EFTUD2: variants seen among roughly 807,000 people sequenced by gnomAD.
EFTUD2 encodes elongation factor Tu GTP binding domain containing 2.
EFTUD2 carries 9 observed loss-of-function variants against 114.3 expected under a neutral mutation model. The observed-to-expected ratio is 0.08, with a 90% CI of 0.05 to 0.14. EFTUD2 has a LOEUF of 0.14. Ranked by LOEUF, EFTUD2 falls within the 10% of genes least tolerant of loss-of-function variation. The pLI is 1.00. For synonymous variants in EFTUD2, 449 were observed against 462.3 expected (o/e 0.97, Z 0.37); for missense variants, 765 against 1,241.2 (o/e 0.62, Z 5.76).
At chr17:44,898,363 G>C (rs1234726549) in intron 1 of EFTUD2, among the ~76,000 whole-genome samples, 1 of 152,134 alleles carries the variant, frequency 6.6e-6, no homozygotes, top group South Asian at 2.1e-4. Context: ...GACTACAGGA[G>C]TGCACCACTA....
rs914708723 is a variant in EFTUD2, at chr17:44,850,056, C to T, written c.*1218G>A. The T allele has an allele frequency of 5.8e-6, 2 of 344,032 alleles. No individual in the cohort carries two copies. The highest frequency in any genetic ancestry group is 5.5e-6 in the Non-Finnish European group (1 of 183,148). 21.3% of individuals were successfully genotyped at this position (344,032 alleles called of 1,614,324 possible). The stretch of plus-strand genomic sequence containing the variant: ...CTCAGTTTCCTGATGTGTAACATGA[C>T]AATAACCACCCCTGGCCTGCCTACC... On this transcript the variant is annotated 3_prime_UTR_variant, in exon 28 of 28. Coordinates refer to ENST00000426333, the MANE Select transcript of EFTUD2 (RefSeq NM_004247.4).
At chr17:44,860,612 T>C in intron 16 of EFTUD2, 69 bp from the exon 17 acceptor site, 1 of 1,082,750 alleles carries the variant, frequency 9.2e-7, no homozygotes. Context: ...TTTTTTTTTT[T>C]TTTTTGAGAC....
intron 19 of EFTUD2, chr17:44,857,641 T>C (rs778320515): frequency 6.9e-4 from 131 of 188,830 alleles, no homozygotes; most frequent in Non-Finnish European, 7.9e-4. Context: ...CCTTCCTAGA[T>C]ACATCAGTAG....
At position 44,850,383 on chromosome 17, in the gene EFTUD2, C is replaced by T. The variant is rs2050424161; in HGVS notation, c.*891G>A. On this transcript the variant is annotated 3_prime_UTR_variant, in exon 28 of 28. Coordinates refer to ENST00000426333, the MANE Select transcript of EFTUD2 (RefSeq NM_004247.4). ...TACGTCAAGAGGATGGCACAGGATGCTGGAGAGAAGTAGGACTCCTATAGG... is the reference window on the plus strand; with the variant it reads ...TACGTCAAGAGGATGGCACAGGATGTTGGAGAGAAGTAGGACTCCTATAGG... 4 of 1,612,542 alleles carry T rather than the reference C, an allele frequency of 2.5e-6. No homozygotes were observed. In the South Asian group the frequency reaches 4.4e-5, roughly 18 times the overall value.
chr17:44,898,395 T>G (rs1294741285), intron 1 of EFTUD2, among the ~76,000 whole-genome samples: 1 of 152,170 alleles, frequency 6.6e-6, no homozygotes, highest in Non-Finnish European at 1.5e-5. Flanking sequence ...TTTTTTTGTA[T>G]TCTTAGTAGA....
intron 12 of EFTUD2, 114 bp downstream of exon 12, chr17:44,868,173 T>TTAAA: frequency 1.2e-6 from 1 of 813,454 alleles, no homozygotes; most frequent in Non-Finnish European, 1.8e-6. Flanking sequence ...TAGTTTACAT[T>TTAAA]AAAAAAAAAA....
intron 8 of EFTUD2, 192 bp downstream of exon 8, chr17:44,880,362 A>C (rs2051051200): frequency 2.0e-6 from 1 of 493,696 alleles, no homozygotes; most frequent in Non-Finnish European, 3.7e-6. Context: ...CATGAATAGA[A>C]GGCCTGGAGT....
chr17:44,869,092 A>G (rs1233727850), intron 11 of EFTUD2, among the ~76,000 whole-genome samples: 1 of 152,150 alleles, frequency 6.6e-6, no homozygotes, highest in East Asian at 1.9e-4. Context: ...CTTTTCCCGA[A>G]AGTCACATTC....
intron 7 of EFTUD2, among the ~76,000 whole-genome samples, chr17:44,881,005 T>A (rs991377419): frequency 7.9e-5 from 12 of 152,118 alleles, no homozygotes; most frequent in East Asian, 1.9e-4. Context: ...TAGTTTTTTT[T>A]TAAAAAAGAA....
chr17:44,890,809 T>G (rs1597828134), intron 2 of EFTUD2, among the ~76,000 whole-genome samples: 1 of 152,306 alleles, frequency 6.6e-6, no homozygotes, highest in East Asian at 1.9e-4. Context: ...CTGACAGTAC[T>G]TAGTATAAAC....
At chr17:44,899,022 G>A (rs939230374) in intron 1 of EFTUD2, 3 of 152,250 alleles carry the variant, frequency 2.0e-5, no homozygotes, top group South Asian at 2.1e-4. Context: ...GGACTTCGGA[G>A]GGAACTTGGC....
intron 16 of EFTUD2, 36 bp from the exon 17 acceptor site, chr17:44,860,579 G>C: frequency 7.6e-7 from 1 of 1,308,478 alleles, no homozygotes; most frequent in Non-Finnish European, 1.1e-6. Flanking sequence ...GTGAAACTTA[G>C]GCAGAGCATT....
At chr17:44,861,796 A>T (rs1329234314) in intron 16 of EFTUD2, among the ~76,000 whole-genome samples, 2 of 151,986 alleles carry the variant, frequency 1.3e-5, no homozygotes, top group Admixed American at 6.6e-5. Flanking sequence ...ACCTTTTGGC[A>T]TTTAGGGTGG....
At chr17:44,862,990 G>GA in intron 15 of EFTUD2, 84 bp from the exon 16 acceptor site, 1 of 1,190,812 alleles carries the variant, frequency 8.4e-7, no homozygotes, top group Non-Finnish European at 1.2e-6. Flanking sequence ...TGACAGCAAG[G>GA]ACATGAGCTC....
intron 7 of EFTUD2, among the ~76,000 whole-genome samples, chr17:44,881,276 A>C (rs1567749060): frequency 6.6e-6 from 1 of 152,246 alleles, no homozygotes; most frequent in African/African-American, 2.4e-5. Context: ...AAGATATAGG[A>C]ACCCATTTTC....
In EFTUD2 at chr17:44,867,626, T is replaced by TA. The variant is rs972007452; in HGVS notation, c.1149+180dup. ...CCTTTCCTTTGATTTTAATAACACT[T>TA]AGAGTAATGTAGTGTTCTGGATCCA... On this transcript the variant is annotated intron_variant, in intron 13 of 27. Transcript: ENST00000426333. Among the ~76,000 whole-genome samples the TA allele has an allele frequency of 3.0e-4, 45 of 152,104 alleles. 1 individual carries two copies. The highest frequency in any genetic ancestry group is 9.9e-4 in the African/African-American group (41 of 41,528).
intron 2 of EFTUD2, among the ~76,000 whole-genome samples, chr17:44,887,709 T>G (rs947537445): frequency 2.0e-5 from 3 of 152,234 alleles, no homozygotes; most frequent in East Asian, 1.9e-4. Context: ...GTAAGGGGTG[T>G]GGAGTTTTTT....
At chr17:44,868,014 A>T (rs558589130) in intron 12 of EFTUD2, 117 bp from the exon 13 acceptor site, 6 of 1,055,098 alleles carry the variant, frequency 5.7e-6, no homozygotes, top group Non-Finnish European at 6.8e-6. Context: ...TGTGTGTGTG[A>T]CTGTAAAGTT....
chr17:44,858,015 G>A (rs1163880556), intron 19 of EFTUD2, among the ~76,000 whole-genome samples: 3 of 145,188 alleles, frequency 2.1e-5, no homozygotes, highest in Non-Finnish European at 3.0e-5. Context: ...TCTGCCACCC[G>A]GTTTCAAACA....
Sources: allele counts gnomAD v4.1 joint callset (sites outside exome capture counted in the v4.1 genomes callset), GRCh38; gene constraint gnomAD v4.1.1; transcripts MANE v1.5; gene names NCBI Gene and HGNC (gene_info 2026-07-23, HGNC 2026-07-21).